NOX4: variants seen among roughly 807,000 people sequenced by gnomAD.
NOX4 encodes kidney oxidase-1.
NOX4 carries 69 observed loss-of-function variants against 87.6 expected under a neutral mutation model. That is an observed-to-expected ratio of 0.79 (90% confidence interval 0.65 to 0.96). The LOEUF is 0.96. Among genes scored for constraint, NOX4 ranks in the 40% least tolerant of loss-of-function variants. The pLI is 0.00. For missense variants in NOX4, 680 were observed against 681.5 expected, an observed-to-expected ratio of 1.00 and a Z score of 0.02; for synonymous variants, 275 against 238.2, an observed-to-expected ratio of 1.15 and a Z score of -1.42.
upstream of NOX4, among the ~76,000 whole-genome samples, chr11:89,497,096 G>T (rs904506506): frequency 6.6e-6 from 1 of 152,186 alleles, no homozygotes; most frequent in African/African-American, 2.4e-5. Flanking sequence ...TGCAGTTGTG[G>T]TTGGCAGCTT....
At chr11:89,571,655 T>C in the NOX4 span, among the ~76,000 whole-genome samples, 1 of 151,722 alleles carries the variant, frequency 6.6e-6, no homozygotes, top group Non-Finnish European at 1.5e-5. Context: ...TGTTTTGTTA[T>C]GTTTTCTTTG....
At chr11:89,347,707 A>G (rs1254212976) in intron 13 of NOX4, among the ~76,000 whole-genome samples, 2 of 152,136 alleles carry the variant, frequency 1.3e-5, no homozygotes, top group African/African-American at 2.4e-5. Flanking sequence ...TCCTTCTTGC[A>G]TAATAGTCAT....
chr11:89,328,080 A>G (rs144478988), intron 17 of NOX4, among the ~76,000 whole-genome samples: 472 of 152,296 alleles, frequency 3.1e-3, no homozygotes, highest in African/African-American at 0.01. Context: ...GACTACACTG[A>G]GGAGACAAAG....
At chr11:89,513,021 TATA>T in the NOX4 span, among the ~76,000 whole-genome samples, 3 of 152,076 alleles carry the variant, frequency 2.0e-5, no homozygotes, top group East Asian at 1.9e-4. Flanking sequence ...TCTCTGAAAC[TATA>T]ATATTTTCAC....
the NOX4 span, among the ~76,000 whole-genome samples, chr11:89,536,511 T>C: frequency 6.6e-6 from 1 of 152,210 alleles, no homozygotes; most frequent in Non-Finnish European, 1.5e-5. Flanking sequence ...AGTTCTACTT[T>C]AGTTATCTAA....
chr11:89,575,248 T>C, the NOX4 span, among the ~76,000 whole-genome samples: 2 of 136,342 alleles, frequency 1.5e-5, no homozygotes, highest in Non-Finnish European at 3.2e-5. Context: ...TTAGTGCCTA[T>C]TAAGAAATGG....
At chr11:89,489,832 A>C (rs554044340) in intron 2 of NOX4, among the ~76,000 whole-genome samples, 2 of 152,324 alleles carry the variant, frequency 1.3e-5, no homozygotes, top group East Asian at 3.9e-4. Flanking sequence ...CAGTCAAATA[A>C]GAAGGAGATG....
the NOX4 span, among the ~76,000 whole-genome samples, chr11:89,585,261 C>G: frequency 2.0e-5 from 3 of 152,144 alleles, no homozygotes; most frequent in Non-Finnish European, 4.4e-5. Flanking sequence ...TGCTGCTCCT[C>G]CTGGACACAT....
the NOX4 span, among the ~76,000 whole-genome samples, chr11:89,565,302 T>C: frequency 6.6e-6 from 1 of 152,112 alleles, no homozygotes; most frequent in Admixed American, 6.5e-5. Flanking sequence ...TTACTTTCAA[T>C]TGTTTACCAC....
chr11:89,368,477 T>G (rs897230159), intron 12 of NOX4, among the ~76,000 whole-genome samples: 1 of 152,092 alleles, frequency 6.6e-6, no homozygotes, highest in African/African-American at 2.4e-5. Context: ...TGCTCTCCGC[T>G]TCTAAGCTGG....
rs1380990615 is a variant in NOX4 at position 89,429,488 on chromosome 11, G to T, written c.548+3296C>A. Among the ~76,000 whole-genome samples, 3 of 152,190 alleles carry T rather than the reference G, an allele frequency of 2.0e-5. No homozygotes were observed. The South Asian group carries it at 6.2e-4, about 31-fold the overall frequency. ...CAAGACTAATAAAGAAGAAAAGAGAGAAGAATCAAATAGATGCAATAAAAA... is the reference window on the plus strand; with the variant it reads ...CAAGACTAATAAAGAAGAAAAGAGATAAGAATCAAATAGATGCAATAAAAA... On this transcript the variant is annotated intron_variant, in intron 7 of 17. Transcript: ENST00000263317.
intron 2 of NOX4, among the ~76,000 whole-genome samples, chr11:89,479,451 C>G (rs1329726034): frequency 6.6e-6 from 1 of 151,990 alleles, no homozygotes; most frequent in Non-Finnish European, 1.5e-5. Flanking sequence ...ATAATCTTTT[C>G]TTTATTATAC....
chr11:89,353,393 C>T (rs528957122), intron 13 of NOX4, among the ~76,000 whole-genome samples: 39 of 152,238 alleles, frequency 2.6e-4, no homozygotes, highest in African/African-American at 9.1e-4. Context: ...CCATCAACAT[C>T]GAGGAAAGAT....
In NOX4 at chr11:89,366,747, A is replaced by G. The variant is rs111750105; in HGVS notation, c.1135+6685T>C. Among the ~76,000 whole-genome samples the G allele has an allele frequency of 5.6e-3, 859 of 152,116 alleles. 11 individuals are homozygous for G. The highest frequency in any genetic ancestry group is 0.02 in the African/African-American group (817 of 41,536). On this transcript the variant is annotated intron_variant, in intron 12 of 17. Transcript: ENST00000263317. ...ATTGTGAAAATTGGATAGAAAACAA[A>G]AATTTGGTATTTACTCCTATGTTTG...
At chr11:89,582,796 T>A in the NOX4 span, among the ~76,000 whole-genome samples, 1 of 152,188 alleles carries the variant, frequency 6.6e-6, no homozygotes, top group African/African-American at 2.4e-5. Flanking sequence ...TCCTGAATGC[T>A]GCTGTTGGAA....
chr11:89,562,616 A>G, the NOX4 span, among the ~76,000 whole-genome samples: 1 of 152,298 alleles, frequency 6.6e-6, no homozygotes, highest in South Asian at 2.1e-4. Context: ...CATAAGGCTC[A>G]AGAGTTAACC....
rs139521807 is a variant in NOX4 at position 89,441,663 on chromosome 11, C to T, written c.448-948G>A. On this transcript the variant is annotated intron_variant, in intron 5 of 17. Transcript: ENST00000263317. ...ACAACCCATAAAAATATCATATGGG[C>T]TGAACAAAGTGGTAAGAATAGAAAT... Among the ~76,000 whole-genome samples, 16 of 152,096 alleles carry T rather than the reference C, an allele frequency of 1.1e-4. No individual in the cohort carries two copies. The East Asian group carries it at 2.1e-3, about 20-fold the overall frequency.
At chr11:89,399,183 T>C (rs1941674794) in intron 11 of NOX4, among the ~76,000 whole-genome samples, 1 of 151,476 alleles carries the variant, frequency 6.6e-6, no homozygotes, top group South Asian at 2.1e-4. Context: ...TGTCCATTAT[T>C]TAGCTAGATG....
At chr11:89,555,680 G>A in the NOX4 span, among the ~76,000 whole-genome samples, 2 of 152,008 alleles carry the variant, frequency 1.3e-5, no homozygotes, top group Admixed American at 6.6e-5. Context: ...TATGAACAGA[G>A]GCACAAACAG....
Sources: allele counts gnomAD v4.1 joint callset (sites outside exome capture counted in the v4.1 genomes callset), GRCh38; gene constraint gnomAD v4.1.1; transcripts MANE v1.5; gene names NCBI Gene and HGNC (gene_info 2026-07-23, HGNC 2026-07-21).